WDR41: variants seen among roughly 807,000 people sequenced by gnomAD.
WDR41 encodes the protein WD repeat domain 41, also known as WD repeat-containing protein 41.
A neutral mutation model predicts 69.3 loss-of-function variants in WDR41; 63 were observed. That is an observed-to-expected ratio of 0.91 (90% CI 0.74 to 1.12). The LOEUF (loss-of-function observed/expected upper bound fraction) is 1.12. Ranked by LOEUF, WDR41 falls within the 50% of genes most tolerant of loss-of-function variation. The pLI is 0.00. For missense variants in WDR41, 543 were observed against 534.5 expected, an observed-to-expected ratio of 1.02 and a Z score of -0.16; for synonymous variants, 185 against 192.1, an observed-to-expected ratio of 0.96 and a Z score of 0.31.
At chr5:77,498,548 G>C (rs1191158030) in intron 1 of WDR41, among the ~76,000 whole-genome samples, 1 of 152,080 alleles carries the variant, frequency 6.6e-6, no homozygotes, top group Non-Finnish European at 1.5e-5. Context: ...GCCAGTCATG[G>C]TGTCTCAAGC....
chr5:77,440,451 T>A (rs2151290871), intron 9 of WDR41, among the ~76,000 whole-genome samples: 1 of 152,302 alleles, frequency 6.6e-6, no homozygotes, highest in East Asian at 1.9e-4. Flanking sequence ...CTCCTAAAAT[T>A]TTTAATTTTC....
intron 2 of WDR41, among the ~76,000 whole-genome samples, chr5:77,488,579 A>C (rs1801623884): frequency 6.6e-6 from 1 of 152,192 alleles, no homozygotes; most frequent in African/African-American, 2.4e-5. Context: ...CAAAAGACAA[A>C]ATTAGAGATG....
At chr5:77,512,357 T>TGA (rs1561211274) in intron 1 of WDR41, among the ~76,000 whole-genome samples, 3,111 of 90,424 alleles carry the variant, frequency 0.034, 18 homozygotes, top group Admixed American at 0.072. Flanking sequence ...AGAGAGTGAG[T>TGA]GTGTGTGTGT....
At chr5:77,434,918 T>C (rs1319520202) in intron 12 of WDR41, among the ~76,000 whole-genome samples, 1 of 152,138 alleles carries the variant, frequency 6.6e-6, no homozygotes. Flanking sequence ...TCTAAAAACC[T>C]TTTTAATGAG....
upstream of WDR41, chr5:77,492,541 G>A: frequency 2.9e-6 from 1 of 340,342 alleles, no homozygotes; most frequent in Admixed American, 4.9e-5. Flanking sequence ...GGTAGCGCAC[G>A]GAGCTTAGGT....
Position 77,582,494 on chromosome 5 carries a change from A to C in WDR41, c.42+37985T>G, listed in dbSNP as rs1046416321. ...CGCCTGAGAAAGAAGTTTGCCCAAA[A>C]GATGCTTCGAAAGGCAAGGAGGAAG... On this transcript the variant is annotated intron_variant, in intron 1 of 5. Coordinates refer to the WDR41 transcript ENST00000509971. The C allele has an allele frequency of 6.2e-6, 10 of 1,600,618 alleles. No homozygotes were observed. The Admixed American group carries it at 1.3e-4, about 21-fold the overall frequency.
At chr5:77,489,395 A>T in intron 2 of WDR41, 62 bp downstream of exon 2, 2 of 952,758 alleles carry the variant, frequency 2.1e-6, no homozygotes, top group Non-Finnish European at 3.1e-6. Flanking sequence ...AAGGTGTTTA[A>T]CATAAAATTC....
At chr5:77,605,261 T>C (rs1430201520) in intron 1 of WDR41, among the ~76,000 whole-genome samples, 1 of 152,208 alleles carries the variant, frequency 6.6e-6, no homozygotes, top group African/African-American at 2.4e-5. Context: ...TGCTCCTTAC[T>C]GTTGTCTGCC....
intron 1 of WDR41, among the ~76,000 whole-genome samples, chr5:77,614,401 G>T (rs896622383): frequency 6.6e-6 from 1 of 150,922 alleles, no homozygotes; most frequent in South Asian, 2.1e-4. Flanking sequence ...CAACCCAAAT[G>T]TCCAACAATG....
intron 12 of WDR41, among the ~76,000 whole-genome samples, chr5:77,435,303 T>TA (rs773356173): frequency 2.9e-4 from 44 of 152,236 alleles, no homozygotes; most frequent in Non-Finnish European, 5.1e-4. Context: ...TCTAACCATT[T>TA]ACAAGATTCA....
At chr5:77,476,609 A>G (rs1287907031) in intron 2 of WDR41, among the ~76,000 whole-genome samples, 1 of 151,864 alleles carries the variant, frequency 6.6e-6, no homozygotes, top group Non-Finnish European at 1.5e-5. Context: ...AATACTTTAC[A>G]GACAAGCAAA....
At chr5:77,620,471 T>G (rs765473224) in intron 1 of WDR41, 2 of 453,842 alleles carry the variant, frequency 4.4e-6, no homozygotes, top group South Asian at 3.1e-5. Context: ...AACAAAAACT[T>G]CACATACCTC....
chr5:77,474,665 A>G (rs1800811773), intron 2 of WDR41, among the ~76,000 whole-genome samples: 1 of 151,726 alleles, frequency 6.6e-6, no homozygotes, highest in South Asian at 2.1e-4. Context: ...CTAACATCTA[A>G]AAGTCTAAGG....
At chr5:77,440,771 T>C in intron 9 of WDR41, 42 bp downstream of exon 9, 2 of 1,590,400 alleles carry the variant, frequency 1.3e-6, no homozygotes, top group South Asian at 1.1e-5. Context: ...TTGGGTTATA[T>C]ATGTCAAAGG....
chr5:77,579,500 C>A (rs963782678), intron 1 of WDR41, among the ~76,000 whole-genome samples: 1 of 151,976 alleles, frequency 6.6e-6, no homozygotes, highest in Non-Finnish European at 1.5e-5. Context: ...GCAACGGAGA[C>A]CATAAGATAG....
intron 1 of WDR41, among the ~76,000 whole-genome samples, chr5:77,589,882 G>A (rs1744106494): frequency 6.6e-6 from 1 of 152,018 alleles, no homozygotes; most frequent in African/African-American, 2.4e-5. Context: ...GTGAGAGCTG[G>A]CACCCTTTTT....
At chr5:77,477,924 C>T (rs1306897010) in intron 2 of WDR41, among the ~76,000 whole-genome samples, 4 of 146,388 alleles carry the variant, frequency 2.7e-5, no homozygotes, top group Non-Finnish European at 6.0e-5. Flanking sequence ...TGATAGACTG[C>T]TAGCAAGACT....
At chr5:77,521,580 A>G (rs1410856778) in intron 1 of WDR41, among the ~76,000 whole-genome samples, 1 of 152,230 alleles carries the variant, frequency 6.6e-6, no homozygotes, top group East Asian at 1.9e-4. Context: ...TCCCTTATCC[A>G]TAATTCCAAA....
At chr5:77,436,509 G>A (rs1798940971) in intron 11 of WDR41, 115 bp from the exon 12 acceptor site, 2 of 1,286,354 alleles carry the variant, frequency 1.6e-6, no homozygotes, top group African/African-American at 1.5e-5. Flanking sequence ...CAAGGGCTAA[G>A]TGGACAGTAC....
Sources: gnomAD v4.1 joint callset for allele counts (sites outside exome capture counted in the v4.1 genomes callset) on GRCh38, gnomAD v4.1.1 for gene constraint, MANE v1.5 for transcripts, NCBI Gene and HGNC (gene_info 2026-07-23, HGNC 2026-07-21) for gene names.